The following FANCD2 variants were observed in gnomAD, a reference collection of about 807,000 sequenced individuals.
The protein encoded by FANCD2 is FA complementation group D2.
FANCD2 carries 131 observed loss-of-function variants against 192.3 expected under a neutral mutation model. The observed-to-expected ratio is 0.68, with a 90% CI of 0.59 to 0.79. FANCD2 has a LOEUF of 0.79. FANCD2 is among the 30% of genes least tolerant of loss of function. The pLI is 0.00. For missense variants in FANCD2, 1,508 were observed against 1,701.6 expected, an observed-to-expected ratio of 0.89 and a Z score of 2.00; for synonymous variants, 524 against 612.5, an observed-to-expected ratio of 0.86 and a Z score of 2.13.
intron 19 of FANCD2, among the ~76,000 whole-genome samples, chr3:10,061,762 T>C (rs574123546): frequency 6.6e-6 from 1 of 152,324 alleles, no homozygotes; most frequent in African/African-American, 2.4e-5. Flanking sequence ...ATAAATACTC[T>C]TCGCTGCCTT....
At chr3:10,094,431 C>A in intron 40 of FANCD2, 68 bp downstream of exon 40, 1 of 1,351,602 alleles carries the variant, frequency 7.4e-7, no homozygotes. Context: ...TCCTTGGTGA[C>A]TCCTGGGTGG....
At position 10,067,337 on chromosome 3, in the gene FANCD2, C is replaced by T; in HGVS notation, c.2494+20C>T. ...TGGCAGGTAAGAGAAGTGTCCTATACTGGTAGTACTACTAGGCCAGTAGTG... is the reference window on the plus strand; with the variant it reads ...TGGCAGGTAAGAGAAGTGTCCTATATTGGTAGTACTACTAGGCCAGTAGTG... On this transcript the variant is annotated intron_variant, in intron 26 of 43. Coordinates refer to ENST00000675286, the MANE Select transcript of FANCD2 (RefSeq NM_001018115.3). 2 of 1,417,648 alleles carry T rather than the reference C, an allele frequency of 1.4e-6. No individual in the cohort carries two copies. The highest frequency in any genetic ancestry group is 2.0e-6 in the Non-Finnish European group (2 of 1,003,074). 87.8% of individuals were successfully genotyped at this position (1,417,648 alleles called of 1,614,324 possible). A position where few individuals can be genotyped will look rare whatever the true frequency, so the allele number is the denominator to read the frequency against.
At chr3:10,060,211 G>A in intron 18 of FANCD2, 83 bp from the exon 19 acceptor site, 1 of 888,374 alleles carries the variant, frequency 1.1e-6, no homozygotes, top group African/African-American at 1.7e-5. Flanking sequence ...CGCCTTTATA[G>A]TCTAGCTATA....
At chr3:10,057,900 T>G (rs1266914216) in intron 18 of FANCD2, 1 of 197,242 alleles carries the variant, frequency 5.1e-6, no homozygotes, top group East Asian at 1.5e-4. Flanking sequence ...GTGTATGAGA[T>G]CTATTAAAGT....
At chr3:10,094,850 T>A (rs187406076) in intron 40 of FANCD2, 16 of 365,490 alleles carry the variant, frequency 4.4e-5, no homozygotes, top group African/African-American at 3.1e-4. Context: ...TTTAGCAAGT[T>A]GAACAAAATA....
At chr3:10,043,265 A>G in intron 12 of FANCD2, 115 bp downstream of exon 12, 2 of 862,400 alleles carry the variant, frequency 2.3e-6, no homozygotes, top group Non-Finnish European at 3.8e-6. Context: ...ATCTAGTATT[A>G]TATTGTTTTT....
Position 10,081,380 on chromosome 3 carries a change from G to C in FANCD2, c.3140G>C (p.Gly1047Ala). 1 of 1,614,086 alleles carries C rather than the reference G, an allele frequency of 6.2e-7. No homozygotes were observed. Among genetic ancestry groups the C allele is most frequent in the Non-Finnish European group, 8.5e-7 (1 of 1,179,964 alleles). Residue 1047 changes from glycine (G) to alanine (A), a missense_variant, in exon 32 of 44, where the codon GGA (glycine) becomes GCA (alanine). By Grantham distance (60) the Gly-to-Ala change is moderately conservative. Around this residue, in one of 5 missense-constraint regions of FANCD2, gnomAD observed 796 missense variants for 879.4 expected, o/e 0.91. Transcript: ENST00000675286. ...GCTGAGAATCACGGTGTAGTTGATG[G>C]ACCAGGAGTGAAAGTTCAGGAGTAC... Reference protein sequence around the residue: ...LAAENHGVVDGPGVKVQEYHI... With the variant: ...LAAENHGVVDAPGVKVQEYHI...
intron 11 of FANCD2, 64 bp from the exon 12 acceptor site, chr3:10,042,986 G>C (rs960451288): frequency 1.5e-6 from 2 of 1,356,840 alleles, no homozygotes; most frequent in African/African-American, 2.9e-5. Context: ...ATGGTAGAGA[G>C]ACTGGACTGT....
At chr3:10,043,403 G>A (rs183523591) in intron 12 of FANCD2, 81 bp from the exon 13 acceptor site, 7 of 1,130,092 alleles carry the variant, frequency 6.2e-6, no homozygotes, top group Non-Finnish European at 9.4e-6. Context: ...TTTGCTCCAG[G>A]GTACATGGCA....
At chr3:10,070,631 C>T (rs1307056014) in intron 26 of FANCD2, among the ~76,000 whole-genome samples, 1 of 144,980 alleles carries the variant, frequency 6.9e-6, no homozygotes, top group African/African-American at 2.5e-5. Flanking sequence ...GGAGGTGTAC[C>T]CAACAGCTCA....
chr3:10,035,361 A>T (rs141630205), intron 6 of FANCD2, 128 bp downstream of exon 6: 8 of 798,540 alleles, frequency 1.0e-5, no homozygotes, highest in Non-Finnish European at 1.8e-5. Context: ...CAGCTTTAGC[A>T]CAGCCCTGTT....
At chr3:10,082,155 C>T (rs1183565624) in intron 32 of FANCD2, among the ~76,000 whole-genome samples, 2 of 152,216 alleles carry the variant, frequency 1.3e-5, no homozygotes, top group Admixed American at 1.3e-4. Context: ...TCAGCTTTGC[C>T]TGGCTTAGTA....
chr3:10,030,793 G>C (rs803334), intron 2 of FANCD2, among the ~76,000 whole-genome samples: 1 of 152,058 alleles, frequency 6.6e-6, no homozygotes, highest in Non-Finnish European at 1.5e-5. Context: ...TCAGCTACTC[G>C]GGAGGCTGAG....
chr3:10,087,564 G>A (rs980981941), intron 34 of FANCD2, among the ~76,000 whole-genome samples: 2 of 151,728 alleles, frequency 1.3e-5, no homozygotes, highest in Admixed American at 6.6e-5. Flanking sequence ...TTGACAAAAC[G>A]AGACATAAAT....
At chr3:10,067,154 A>G (rs2087743553) in intron 25 of FANCD2, 55 bp from the exon 26 acceptor site, 2 of 1,133,844 alleles carry the variant, frequency 1.8e-6, no homozygotes, top group Admixed American at 3.7e-5. Flanking sequence ...AATAATATAA[A>G]CAAGGTTAAA....
intron 33 of FANCD2, 21 bp downstream of exon 33, chr3:10,085,943 C>T: frequency 1.3e-6 from 2 of 1,513,614 alleles, no homozygotes; most frequent in South Asian, 1.1e-5. Flanking sequence ...ACTACATAGC[C>T]AAGATTGTTG....
chr3:10,052,359 C>G, intron 17 of FANCD2, 28 bp from the exon 18 acceptor site: 2 of 1,362,820 alleles, frequency 1.5e-6, no homozygotes, highest in Non-Finnish European at 2.1e-6. Context: ...AGCTGCTAGC[C>G]TCATTGTTGG....
At chr3:10,062,094 A>C (rs2087585760) in intron 19 of FANCD2, 57 bp from the exon 20 acceptor site, 10 of 1,336,996 alleles carry the variant, frequency 7.5e-6, no homozygotes, top group Non-Finnish European at 1.1e-5. Context: ...CGTTGTGCAC[A>C]TGTACCCTAA....
chr3:10,044,868 T>C (rs2086957452), intron 14 of FANCD2, among the ~76,000 whole-genome samples: 2 of 152,224 alleles, frequency 1.3e-5, no homozygotes, highest in Admixed American at 1.3e-4. Context: ...ATATTTGTAA[T>C]CATTGTATAA....
Sources: gnomAD v4.1 joint callset for allele counts (sites outside exome capture counted in the v4.1 genomes callset) on GRCh38, gnomAD v4.1.1 for gene constraint, gnomAD v4.1.1 regional missense constraint, MANE v1.5 for transcripts, NCBI Gene and HGNC (gene_info 2026-07-23, HGNC 2026-07-21) for gene names.